The following DCT variants were observed in gnomAD, a reference collection of about 807,000 sequenced individuals.
DCT encodes L-dopachrome tautomerase.
In DCT, 47 loss-of-function variants were observed where a neutral mutation model predicts 53.0. The observed-to-expected ratio is 0.89, with a 90% CI of 0.70 to 1.13. DCT has a LOEUF of 1.13. DCT is among the 50% of genes most tolerant of loss of function. DCT has a pLI of 0.00. For synonymous variants in DCT, 244 were observed against 237.0 expected (o/e 1.03, Z -0.27); for missense variants, 669 against 637.4 (o/e 1.05, Z -0.53).
chr13:94,533,253 A>C, the DCT span, among the ~76,000 whole-genome samples: 1 of 151,262 alleles, frequency 6.6e-6, no homozygotes, highest in African/African-American at 2.4e-5. Flanking sequence ...AATGACAAAA[A>C]TAATTTATTT....
At chr13:94,472,551 TATATATATATATATATA>T (rs1298945195) in intron 1 of DCT, among the ~76,000 whole-genome samples, 15 of 31,486 alleles carry the variant, frequency 4.8e-4, no homozygotes, top group East Asian at 3.2e-3. Flanking sequence ...TATATATATA[TATATATATATATATATA>T]TTTTTTTTTT....
chr13:94,485,958 C>A, the DCT span, among the ~76,000 whole-genome samples: 1 of 152,124 alleles, frequency 6.6e-6, no homozygotes, highest in African/African-American at 2.4e-5. Flanking sequence ...AGTAAGAAAG[C>A]AGCTTAATGT....
At chr13:94,470,380 G>A (rs945140033) in intron 1 of DCT, among the ~76,000 whole-genome samples, 5 of 152,164 alleles carry the variant, frequency 3.3e-5, no homozygotes, top group Non-Finnish European at 5.9e-5. Context: ...CAAGCTCTGG[G>A]CATCTCTCTG....
At chr13:94,545,638 C>T in the DCT span, among the ~76,000 whole-genome samples, 1 of 152,084 alleles carries the variant, frequency 6.6e-6, no homozygotes, top group Admixed American at 6.6e-5. Context: ...CTGTAAAGCT[C>T]TCCCACTCCC....
chr13:94,500,504 TG>T, the DCT span, among the ~76,000 whole-genome samples: 5 of 152,206 alleles, frequency 3.3e-5, no homozygotes, highest in Non-Finnish European at 7.4e-5. Context: ...GAGATTTGGG[TG>T]GGGATACAAC....
chr13:94,466,186 A>T (rs1884209490), intron 3 of DCT, among the ~76,000 whole-genome samples: 1 of 151,596 alleles, frequency 6.6e-6, no homozygotes, highest in East Asian at 2.0e-4. Context: ...AAAAGAAGAA[A>T]AAAGAAAAAG....
At chr13:94,500,920 T>C in the DCT span, among the ~76,000 whole-genome samples, 1 of 152,330 alleles carries the variant, frequency 6.6e-6, no homozygotes, top group East Asian at 1.9e-4. Flanking sequence ...TTGGTGACGA[T>C]CCTTCCAGAC....
chr13:94,491,184 A>G, the DCT span, among the ~76,000 whole-genome samples: 3 of 152,164 alleles, frequency 2.0e-5, no homozygotes, highest in South Asian at 2.1e-4. Flanking sequence ...ATAAAAATTT[A>G]TCATCTCACG....
chr13:94,507,799 C>T, the DCT span, among the ~76,000 whole-genome samples: 34 of 152,196 alleles, frequency 2.2e-4, no homozygotes, highest in Admixed American at 3.9e-4. Context: ...CGCGCCCCGC[C>T]GTATATTGAC....
rs766724335 is a variant in DCT at position 94,443,548 on chromosome 13, A to G, written c.1269T>C (p.Pro423=). The G allele has an allele frequency of 1.2e-6, 2 of 1,613,680 alleles. No homozygotes were observed. Among genetic ancestry groups the G allele is most frequent in the South Asian group, 2.2e-5 (2 of 91,064 alleles). The change falls in exon 7 of 8, where the codon CCT becomes CCC. Residue 423 remains proline (P), a synonymous_variant. Transcript: ENST00000377028. ...PADAWPQELA[P]IGHNRMYNMV... ...TGTTGTACATCCGATTGTGACCAAT[A>G]GGGGCCAGCTCCTGAGGCCAGGCAT...
the DCT span, among the ~76,000 whole-genome samples, chr13:94,508,298 C>T: frequency 0.075 from 11,344 of 152,194 alleles, 885 homozygotes; most frequent in African/African-American, 0.2. Flanking sequence ...AACACATATT[C>T]GCTAGTAATA....
the DCT span, among the ~76,000 whole-genome samples, chr13:94,508,605 A>G: frequency 6.6e-6 from 1 of 152,090 alleles, no homozygotes; most frequent in Non-Finnish European, 1.5e-5. Context: ...GAAGTTTCCA[A>G]TTGGAGGAGA....
At chr13:94,455,872 A>G (rs1362697163) in intron 6 of DCT, among the ~76,000 whole-genome samples, 1 of 152,214 alleles carries the variant, frequency 6.6e-6, no homozygotes, top group Non-Finnish European at 1.5e-5. Context: ...GATAAGGAGT[A>G]TTATGACATT....
At chr13:94,441,693 C>G (rs1882326623) in intron 7 of DCT, among the ~76,000 whole-genome samples, 1 of 152,168 alleles carries the variant, frequency 6.6e-6, no homozygotes, top group Admixed American at 6.6e-5. Flanking sequence ...CTTTTTGAGG[C>G]TGAATAATAT....
At chr13:94,450,942 T>G (rs1044439050) in intron 6 of DCT, among the ~76,000 whole-genome samples, 1 of 152,218 alleles carries the variant, frequency 6.6e-6, no homozygotes, top group Non-Finnish European at 1.5e-5. Context: ...ATGAATTGGA[T>G]GTAATTCATA....
chr13:94,482,948 C>T (rs1056313460), upstream of DCT, among the ~76,000 whole-genome samples: 3 of 152,106 alleles, frequency 2.0e-5, no homozygotes, highest in African/African-American at 7.2e-5. Context: ...ATTTCAGGAA[C>T]AGTTCTAAGG....
At chr13:94,465,565 T>G (rs1884115686) in intron 4 of DCT, 68 bp downstream of exon 4, 1 of 1,455,068 alleles carries the variant, frequency 6.9e-7, no homozygotes. Context: ...TAAAGTGACT[T>G]CTCCTCCATG....
the DCT span, among the ~76,000 whole-genome samples, chr13:94,516,593 A>G: frequency 2.9e-3 from 448 of 152,272 alleles, 1 homozygote; most frequent in African/African-American, 9.6e-3. Context: ...GGTCTTTAAG[A>G]GGTTGTCAGG....
the DCT span, among the ~76,000 whole-genome samples, chr13:94,490,504 C>CAAAAAA: frequency 0.053 from 1,881 of 35,534 alleles, 216 homozygotes; most frequent in Middle Eastern, 0.16. Context: ...GACTCGGTCT[C>CAAAAAA]AAAAAAAAAA....
Sources: gnomAD v4.1 joint callset for allele counts (sites outside exome capture counted in the v4.1 genomes callset) on GRCh38, gnomAD v4.1.1 for gene constraint, MANE v1.5 for transcripts, NCBI Gene and HGNC (gene_info 2026-07-23, HGNC 2026-07-21) for gene names.